The following ACMSD variants were observed in gnomAD, a reference collection of about 807,000 sequenced individuals.
ACMSD encodes 2-amino-3-carboxymuconate-6-semialdehyde decarboxylase.
ACMSD carries 37 observed loss-of-function variants against 45.9 expected under a neutral mutation model. The observed-to-expected ratio is 0.81, with a 90% CI of 0.62 to 1.06. ACMSD has a LOEUF of 1.06. ACMSD is among the 50% of genes least tolerant of loss of function. ACMSD has a pLI of 0.00. For missense variants in ACMSD, 434 were observed against 420.9 expected (o/e 1.03, Z -0.27); for synonymous variants, 138 against 148.8 (o/e 0.93, Z 0.53).
At chr2:134,851,127 T>C (rs1444480894) in intron 2 of ACMSD, among the ~76,000 whole-genome samples, 1 of 152,072 alleles carries the variant, frequency 6.6e-6, no homozygotes, top group African/African-American at 2.4e-5. Context: ...GGATATGACT[T>C]CATTATTTTT....
intron 1 of ACMSD, among the ~76,000 whole-genome samples, chr2:134,840,609 G>A (rs531784035): frequency 6.6e-6 from 1 of 152,276 alleles, no homozygotes; most frequent in African/African-American, 2.4e-5. Flanking sequence ...ACAGCAAGAA[G>A]GCACCATCTT....
chr2:134,856,876 G>T (rs1215788811), intron 2 of ACMSD, among the ~76,000 whole-genome samples: 1 of 151,114 alleles, frequency 6.6e-6, no homozygotes, highest in African/African-American at 2.4e-5. Context: ...GACTATTTGA[G>T]ATCTTTTGTG....
chr2:134,892,537 G>T (rs1689856831), intron 8 of ACMSD, among the ~76,000 whole-genome samples: 1 of 152,078 alleles, frequency 6.6e-6, no homozygotes, highest in Non-Finnish European at 1.5e-5. Flanking sequence ...CTAGTTGGAG[G>T]CTAGATGACT....
chr2:134,867,958 T>G lies in ACMSD; in HGVS notation c.580+286T>G, dbSNP rs1053691170. ...CAGATGGAGAAACTGAGGCTTGGAA[T>G]TTTTAGGTAAGGTGTCCAGGTCACA... On this transcript the variant is annotated intron_variant, in intron 6 of 9. Transcript: ENST00000356140. 2.0e-5 allele frequency among the ~76,000 whole-genome samples: 3 copies of G among 152,148 alleles called. No individual in the cohort carries two copies. The East Asian group carries it at 5.8e-4, about 29-fold the overall frequency.
chr2:134,860,802 T>G (rs1260489922), intron 3 of ACMSD, among the ~76,000 whole-genome samples: 1 of 143,014 alleles, frequency 7.0e-6, no homozygotes, highest in Non-Finnish European at 1.5e-5. Context: ...GGAGGATCCC[T>G]TGAGCCCAGG....
intron 3 of ACMSD, among the ~76,000 whole-genome samples, chr2:134,859,901 C>T (rs745369497): frequency 1.3e-5 from 2 of 151,972 alleles, no homozygotes; most frequent in Non-Finnish European, 2.9e-5. Context: ...AGGAAGTGTT[C>T]GTTTCAAAGC....
At chr2:134,875,669 C>T (rs1688697983) in intron 8 of ACMSD, among the ~76,000 whole-genome samples, 1 of 152,166 alleles carries the variant, frequency 6.6e-6, no homozygotes, top group Non-Finnish European at 1.5e-5. Flanking sequence ...ACTATATTGC[C>T]TCCCTATATT....
At chr2:134,853,440 T>A (rs1277257305) in intron 2 of ACMSD, among the ~76,000 whole-genome samples, 1 of 152,160 alleles carries the variant, frequency 6.6e-6, no homozygotes, top group Non-Finnish European at 1.5e-5. Context: ...AACTTGATTT[T>A]CTTTTGAGAG....
intron 8 of ACMSD, 32 bp from the exon 9 acceptor site, chr2:134,898,309 A>G: frequency 6.9e-7 from 1 of 1,442,102 alleles, no homozygotes; most frequent in Non-Finnish European, 9.4e-7. Context: ...TGTTTTACAA[A>G]ACAACAGAGA....
chr2:134,858,069 A>G (rs1687664133), intron 2 of ACMSD, among the ~76,000 whole-genome samples: 1 of 152,152 alleles, frequency 6.6e-6, no homozygotes, highest in African/African-American at 2.4e-5. Flanking sequence ...TGTTGAAGAA[A>G]TATCTGCATT....
At chr2:134,896,139 C>T (rs1278649748) in intron 8 of ACMSD, among the ~76,000 whole-genome samples, 1 of 152,076 alleles carries the variant, frequency 6.6e-6, no homozygotes, top group Non-Finnish European at 1.5e-5. Context: ...TTCTTTACAC[C>T]ATGCAAATTA....
At chr2:134,876,587 C>G (rs1466062486) in intron 8 of ACMSD, among the ~76,000 whole-genome samples, 1 of 152,194 alleles carries the variant, frequency 6.6e-6, no homozygotes, top group Non-Finnish European at 1.5e-5. Context: ...GAGCTGTCAT[C>G]TCCTACGACA....
intron 2 of ACMSD, among the ~76,000 whole-genome samples, chr2:134,846,937 G>A (rs947733393): frequency 3.5e-4 from 54 of 152,314 alleles, no homozygotes; most frequent in African/African-American, 1.3e-3. Flanking sequence ...AGGCTTCGAG[G>A]ATGAGAAGGG....
chr2:134,860,503 A>C (rs1209773616), intron 3 of ACMSD, among the ~76,000 whole-genome samples: 1 of 152,190 alleles, frequency 6.6e-6, no homozygotes, highest in African/African-American at 2.4e-5. Context: ...GAAAAGAAAC[A>C]ATTCAAACAC....
intron 8 of ACMSD, among the ~76,000 whole-genome samples, chr2:134,874,690 A>G (rs1243058544): frequency 6.6e-6 from 1 of 152,160 alleles, no homozygotes; most frequent in African/African-American, 2.4e-5. Flanking sequence ...AATGAAAGAA[A>G]AGGAAATAAT....
Position 134,840,179 on chromosome 2 carries a change from A to AC in ACMSD, c.57+1440_57+1441insC, listed in dbSNP as rs1573606653. 1.4e-5 allele frequency among the ~76,000 whole-genome samples: 2 copies of AC among 142,182 alleles called. 1 individual carries two copies. The highest frequency in any genetic ancestry group is 4.9e-4 in the South Asian group (2 of 4,074). 93.3% of individuals were successfully genotyped at this position (142,182 alleles called of 152,430 possible). ...AAACTATACCTAGCAAAAAAAAAAA[A>AC]AAAAAAAAAAAAAACCACTAATTCC... On this transcript the variant is annotated intron_variant, in intron 1 of 9. Transcript: ENST00000356140.
intron 2 of ACMSD, among the ~76,000 whole-genome samples, chr2:134,847,172 G>A (rs1467584248): frequency 6.6e-6 from 1 of 152,126 alleles, no homozygotes; most frequent in Non-Finnish European, 1.5e-5. Flanking sequence ...ATTCTTCGGA[G>A]GGTCTTAATG....
At position 134,866,330 on chromosome 2, in the gene ACMSD, T is replaced by C. The variant is rs111773650; in HGVS notation, c.487-1249T>C. On this transcript the variant is annotated intron_variant, in intron 5 of 9. Coordinates refer to ENST00000356140, the MANE Select transcript of ACMSD (RefSeq NM_138326.3). ...AAAGAAAAGAACCACCAGAGGCACA[T>C]AGAATAAACTTGTATCCAAATGAGG... 3.7e-4 allele frequency among the ~76,000 whole-genome samples: 56 copies of C among 152,156 alleles called. 1 individual carries two copies. Among genetic ancestry groups the C allele is most frequent in the African/African-American group, 1.2e-3 (48 of 41,508 alleles).
chr2:134,867,556 T>C (rs1416520328), intron 5 of ACMSD, 23 bp from the exon 6 acceptor site: 3 of 1,597,862 alleles, frequency 1.9e-6, no homozygotes, highest in Non-Finnish European at 2.6e-6. Context: ...ACCCTCTCTC[T>C]CTCTCTCATT....
Sources: allele counts gnomAD v4.1 joint callset (sites outside exome capture counted in the v4.1 genomes callset), GRCh38; gene constraint gnomAD v4.1.1; transcripts MANE v1.5; gene names NCBI Gene and HGNC (gene_info 2026-07-23, HGNC 2026-07-21).